The following AKAP6 variants were observed in gnomAD, a reference collection of about 807,000 sequenced individuals.
The protein encoded by AKAP6 is A-kinase anchoring protein 6.
AKAP6 carries 58 observed loss-of-function variants against 188.5 expected under a neutral mutation model. The observed-to-expected ratio is 0.31, with a 90% CI of 0.25 to 0.38. The LOEUF (loss-of-function observed/expected upper bound fraction) is 0.38. Among genes scored for constraint, AKAP6 ranks in the 10% least tolerant of loss-of-function variants. The pLI, the probability that AKAP6 is intolerant of heterozygous loss-of-function variation, is 1.00. For missense variants in AKAP6, 2,710 were observed against 2,740.0 expected (o/e 0.99, Z 0.24); for synonymous variants, 989 against 998.6 (o/e 0.99, Z 0.18).
At chr14:32,792,048 G>A (rs188938636) in intron 12 of AKAP6, among the ~76,000 whole-genome samples, 2 of 152,256 alleles carry the variant, frequency 1.3e-5, no homozygotes, top group East Asian at 3.9e-4. Context: ...TTGAAGTCAG[G>A]TAGCATGATG....
At chr14:32,567,632 C>A (rs1479543531) in intron 4 of AKAP6, among the ~76,000 whole-genome samples, 1 of 152,110 alleles carries the variant, frequency 6.6e-6, no homozygotes, top group Non-Finnish European at 1.5e-5. Context: ...AACAACTCAA[C>A]AATCACATGT....
At chr14:32,464,116 A>C (rs1295254508) in intron 2 of AKAP6, among the ~76,000 whole-genome samples, 2 of 152,084 alleles carry the variant, frequency 1.3e-5, no homozygotes, top group Admixed American at 6.6e-5. Context: ...CCTACCAACC[A>C]AAAAAAGCCC....
intron 11 of AKAP6, among the ~76,000 whole-genome samples, chr14:32,736,187 G>A (rs1285028183): frequency 6.6e-6 from 1 of 152,042 alleles, no homozygotes; most frequent in Non-Finnish European, 1.5e-5. Context: ...GATTACTAAG[G>A]CCTTTGAAGG....
intron 7 of AKAP6, among the ~76,000 whole-genome samples, chr14:32,634,632 T>C (rs940307021): frequency 1.3e-5 from 2 of 152,040 alleles, no homozygotes; most frequent in African/African-American, 2.4e-5. Flanking sequence ...GTTATTCATT[T>C]TGAGAGCCAG....
chr14:32,711,000 C>T (rs1344581657), intron 9 of AKAP6, among the ~76,000 whole-genome samples: 1 of 151,988 alleles, frequency 6.6e-6, no homozygotes, highest in Non-Finnish European at 1.5e-5. Flanking sequence ...GGCCAGCATG[C>T]CTAAACTATT....
intron 12 of AKAP6, 77 bp downstream of exon 12, chr14:32,773,970 G>T: frequency 1.4e-6 from 2 of 1,460,230 alleles, no homozygotes; most frequent in Non-Finnish European, 1.9e-6. Context: ...CTTGGAAACG[G>T]TGTTCATCTT....
intron 1 of AKAP6, among the ~76,000 whole-genome samples, chr14:32,332,138 A>G (rs976908868): frequency 6.6e-6 from 1 of 152,048 alleles, no homozygotes; most frequent in Non-Finnish European, 1.5e-5. Context: ...ACCAGTCCTT[A>G]GCCAGGCGAA....
intron 4 of AKAP6, among the ~76,000 whole-genome samples, chr14:32,570,466 C>T (rs1428388337): frequency 1.3e-5 from 2 of 151,964 alleles, no homozygotes; most frequent in Non-Finnish European, 2.9e-5. Flanking sequence ...TAAAATCCAT[C>T]TCATTGCCAG....
intron 8 of AKAP6, among the ~76,000 whole-genome samples, chr14:32,686,717 A>C (rs2139666614): frequency 6.6e-6 from 1 of 152,278 alleles, no homozygotes; most frequent in Admixed American, 6.5e-5. Context: ...GTTTACTACA[A>C]ATAGTTTGAT....
rs1885196095 is a variant in AKAP6, at chr14:32,585,506, G to GTT, written c.2469+8265_2469+8266insTT. 2.6e-5 allele frequency among the ~76,000 whole-genome samples: 4 copies of GTT among 152,288 alleles called. No homozygotes were observed. In the East Asian group the frequency reaches 7.7e-4, roughly 29 times the overall value. On this transcript the variant is annotated intron_variant, in intron 5 of 13. Coordinates refer to ENST00000280979, the MANE Select transcript of AKAP6 (RefSeq NM_004274.5). ...GAACTATATATATGTGTGTGTGTGT[G>GTT]TGTGTGTGTATGTACAACACAACTG...
intron 7 of AKAP6, among the ~76,000 whole-genome samples, chr14:32,618,368 C>G (rs753286046): frequency 6.6e-6 from 1 of 152,106 alleles, no homozygotes; most frequent in Non-Finnish European, 1.5e-5. Context: ...GCTTCTGAGT[C>G]GCCAATGTCT....
chr14:32,811,075 T>TA (rs1423231269), intron 12 of AKAP6, among the ~76,000 whole-genome samples: 2 of 151,638 alleles, frequency 1.3e-5, no homozygotes, highest in African/African-American at 4.9e-5. Context: ...CCGTCTCTAC[T>TA]AAAAATACAA....
chr14:32,391,804 T>G (rs1210600217), intron 1 of AKAP6, among the ~76,000 whole-genome samples: 1 of 152,196 alleles, frequency 6.6e-6, no homozygotes, highest in Non-Finnish European at 1.5e-5. Flanking sequence ...ATGTTTCTTG[T>G]ACAGCCTGTA....
intron 12 of AKAP6, among the ~76,000 whole-genome samples, chr14:32,785,260 G>A (rs556907795): frequency 1.3e-5 from 2 of 151,972 alleles, no homozygotes; most frequent in African/African-American, 4.8e-5. Context: ...GGTATTATTT[G>A]GAAAAATTTC....
intron 2 of AKAP6, among the ~76,000 whole-genome samples, chr14:32,525,334 A>G (rs77990259): frequency 0.016 from 2,473 of 152,324 alleles, 48 homozygotes; most frequent in African/African-American, 0.041. Context: ...AATCCTCTGA[A>G]GCTTTTTAAT....
At chr14:32,591,552 A>G (rs570847770) in intron 5 of AKAP6, among the ~76,000 whole-genome samples, 4 of 151,560 alleles carry the variant, frequency 2.6e-5, no homozygotes, top group Non-Finnish European at 4.4e-5. Flanking sequence ...ATTCACTTTC[A>G]AATTCTTGGA....
intron 7 of AKAP6, among the ~76,000 whole-genome samples, chr14:32,617,802 A>G (rs1886644497): frequency 6.6e-6 from 1 of 151,932 alleles, no homozygotes; most frequent in Non-Finnish European, 1.5e-5. Flanking sequence ...ATTTTTGTGT[A>G]TTTTTAGTAG....
chr14:32,679,562 C>T (rs190822595), intron 8 of AKAP6, among the ~76,000 whole-genome samples: 4 of 152,234 alleles, frequency 2.6e-5, no homozygotes, highest in East Asian at 3.9e-4. Flanking sequence ...ACTGGAACTA[C>T]AATCCTCATA....
At chr14:32,677,417 A>G (rs1250657528) in intron 7 of AKAP6, among the ~76,000 whole-genome samples, 1 of 152,246 alleles carries the variant, frequency 6.6e-6, no homozygotes, top group Non-Finnish European at 1.5e-5. Flanking sequence ...AAGGTTTATC[A>G]GAAATGTTAA....
Sources: gnomAD v4.1 joint callset for allele counts (sites outside exome capture counted in the v4.1 genomes callset) on GRCh38, gnomAD v4.1.1 for gene constraint, MANE v1.5 for transcripts, NCBI Gene and HGNC (gene_info 2026-07-23, HGNC 2026-07-21) for gene names.